WAC: variants seen among roughly 807,000 people sequenced by gnomAD.
WAC encodes the protein WW domain-containing adapter protein with coiled-coil.
WAC carries 11 observed loss-of-function variants against 79.6 expected under a neutral mutation model. The ratio of observed to expected loss-of-function variants is 0.14; its 90% CI spans 0.09 to 0.23. The LOEUF is 0.23. Ranked by LOEUF, WAC falls within the 10% of genes least tolerant of loss-of-function variation. The probability of loss-of-function intolerance (pLI) is 1.00; values close to 1 mark genes in which losing one functional copy is unlikely to be tolerated. For synonymous variants in WAC, 304 were observed against 276.9 expected, an observed-to-expected ratio of 1.10 and a Z score of -0.97; for missense variants, 728 against 773.5, an observed-to-expected ratio of 0.94 and a Z score of 0.70.
rs993602635 is a variant in WAC, at chr10:28,582,958, T to C, written c.275-441T>C. On this transcript the variant is annotated intron_variant, in intron 3 of 13. Transcript: ENST00000354911. The stretch of plus-strand genomic sequence containing the variant: ...ATCGTCAAGACTATTAAAAGGCAAA[T>C]AGGGGAAACTGTTAAGAAATTGAAA... Among the ~76,000 whole-genome samples, 5 of 152,086 alleles carry C rather than the reference T, an allele frequency of 3.3e-5. No individual in the cohort carries two copies. The East Asian group carries it at 9.6e-4, about 29-fold the overall frequency.
rs550298029 is a variant in WAC at position 28,593,491 on chromosome 10, G to A, written c.611-2242G>A. ...CACTAAAATATTTTAACAAAGGCCAGGCACGGTGGCTCATGCCTGTAATCC... is the reference window on the plus strand; with the variant it reads ...CACTAAAATATTTTAACAAAGGCCAAGCACGGTGGCTCATGCCTGTAATCC... On this transcript the variant is annotated intron_variant, in intron 6 of 13. Coordinates refer to ENST00000354911, the MANE Select transcript of WAC (RefSeq NM_016628.5). Among the ~76,000 whole-genome samples, 11 of 152,226 alleles carry A rather than the reference G, an allele frequency of 7.2e-5. No homozygotes were observed. In the South Asian group the frequency reaches 2.1e-3, roughly 29 times the overall value.
intron 3 of WAC, among the ~76,000 whole-genome samples, chr10:28,548,477 C>T (rs1245216693): frequency 1.3e-5 from 2 of 152,118 alleles, no homozygotes; most frequent in African/African-American, 2.4e-5. Flanking sequence ...AATCTCTTGG[C>T]ATCTTCTTTC....
intron 4 of WAC, 68 bp from the exon 5 acceptor site, chr10:28,589,665 TTGA>T: frequency 1.0e-6 from 1 of 996,186 alleles, no homozygotes; most frequent in South Asian, 1.5e-5. Flanking sequence ...TATGTGTGCT[TTGA>T]TGTTGTTGAT....
chr10:28,562,794 G>A (rs536291132), intron 3 of WAC, among the ~76,000 whole-genome samples: 1 of 152,228 alleles, frequency 6.6e-6, no homozygotes, highest in South Asian at 2.1e-4. Flanking sequence ...AACAAAGTTA[G>A]CATTAGGGCA....
Position 28,619,960 on chromosome 10 carries a change from T to TA in WAC, c.*373dup, listed in dbSNP as rs35294532. 1,865 of 142,102 alleles carry TA rather than the reference T, an allele frequency of 0.013. 6 individuals carry two copies. Among genetic ancestry groups the TA allele is most frequent in the Admixed American group, 0.021 (299 of 14,252 alleles). The allele number at this position is 142,102 out of a possible 1,614,324, so 8.8% of individuals were successfully genotyped here. A position where few individuals can be genotyped will look rare whatever the true frequency, so the allele number is the denominator to read the frequency against. On this transcript the variant is annotated 3_prime_UTR_variant, in exon 14 of 14. Transcript: ENST00000354911. ...AACCTGTCTGCAAAATTAGCTTTTTTAAAAAAAAAAAAAAAAAAATTGGGG... is the reference window on the plus strand; with the variant it reads ...AACCTGTCTGCAAAATTAGCTTTTTTAAAAAAAAAAAAAAAAAAAATTGGGG...
intron 3 of WAC, among the ~76,000 whole-genome samples, chr10:28,557,044 T>C (rs1030951525): frequency 1.3e-5 from 2 of 151,582 alleles, no homozygotes; most frequent in Non-Finnish European, 2.9e-5. Context: ...GGTCTTTTTA[T>C]GTTCCCTACA....
chr10:28,578,803 C>G (rs1306699562), intron 3 of WAC, among the ~76,000 whole-genome samples: 1 of 152,036 alleles, frequency 6.6e-6, no homozygotes, highest in Non-Finnish European at 1.5e-5. Context: ...ATTATTCTGT[C>G]AAAAATACTG....
At chr10:28,554,995 A>T (rs1378537949) in intron 3 of WAC, among the ~76,000 whole-genome samples, 3 of 152,164 alleles carry the variant, frequency 2.0e-5, no homozygotes, top group Non-Finnish European at 4.4e-5. Flanking sequence ...ATAATAGTTT[A>T]TGATGATAGT....
In WAC at chr10:28,603,967, A is replaced by G. The variant is rs1291639689; in HGVS notation, c.920-4219A>G. Among the ~76,000 whole-genome samples the G allele has an allele frequency of 1.5e-4, 6 of 40,178 alleles. 1 individual carries two copies. The highest frequency in any genetic ancestry group is 1.4e-3 in the Admixed American group (5 of 3,460). 26.4% of individuals were successfully genotyped at this position (40,178 alleles called of 152,430 possible). A position where few individuals can be genotyped will look rare whatever the true frequency, so the allele number is the denominator to read the frequency against. ...AATATATATATGTATGTATGTATAT[A>G]TATATATATATATATATATATGTAT... On this transcript the variant is annotated intron_variant, in intron 7 of 13. Transcript: ENST00000354911.
rs1043241416 is a variant in WAC, at chr10:28,622,636, A to C, written c.*3030A>C. On this transcript the variant is annotated 3_prime_UTR_variant, in exon 14 of 14. Transcript: ENST00000354911. ...TAAAAACATGCTTCAGCCCTGTTTC[A>C]AGACATTATGCTTCTTTTAACAGTC... 9 of 152,110 alleles carry C rather than the reference A, an allele frequency of 5.9e-5. No homozygotes were observed. Among genetic ancestry groups the C allele is most frequent in the Non-Finnish European group, 8.8e-5 (6 of 68,004 alleles). 9.4% of individuals were successfully genotyped at this position (152,110 alleles called of 1,614,324 possible).
At chr10:28,545,976 TAGTAG>T (rs1453871037) in intron 3 of WAC, among the ~76,000 whole-genome samples, 1 of 152,234 alleles carries the variant, frequency 6.6e-6, no homozygotes, top group Non-Finnish European at 1.5e-5. Flanking sequence ...TTCTCCAAGT[TAGTAG>T]AGTATACTTA....
chr10:28,575,489 C>T (rs1306938089), intron 3 of WAC, among the ~76,000 whole-genome samples: 1 of 152,202 alleles, frequency 6.6e-6, no homozygotes, highest in African/African-American at 2.4e-5. Context: ...TCCTCACCAA[C>T]ACTTGTTTTT....
chr10:28,606,974 G>GTT (rs775303910), intron 7 of WAC, among the ~76,000 whole-genome samples: 1 of 152,162 alleles, frequency 6.6e-6, no homozygotes, highest in Non-Finnish European at 1.5e-5. Flanking sequence ...ATTATGGTGA[G>GTT]TGTAAAGGGT....
At chr10:28,545,416 G>T (rs1431086342) in intron 3 of WAC, among the ~76,000 whole-genome samples, 1 of 152,150 alleles carries the variant, frequency 6.6e-6, no homozygotes, top group Non-Finnish European at 1.5e-5. Flanking sequence ...TGAGGCAGAG[G>T]TTGTGGTGAG....
intron 12 of WAC, among the ~76,000 whole-genome samples, chr10:28,616,577 C>T (rs1019208873): frequency 1.3e-5 from 2 of 152,220 alleles, no homozygotes; most frequent in Admixed American, 1.3e-4. Flanking sequence ...TTGTCAAGTA[C>T]TCAGCAGTTA....
At chr10:28,558,639 C>G (rs1348666900) in intron 3 of WAC, among the ~76,000 whole-genome samples, 1 of 152,010 alleles carries the variant, frequency 6.6e-6, no homozygotes. Context: ...TATGTTGTTC[C>G]TCATTGCCTT....
At chr10:28,560,562 G>A (rs1349638144) in intron 3 of WAC, among the ~76,000 whole-genome samples, 5 of 152,162 alleles carry the variant, frequency 3.3e-5, no homozygotes, top group African/African-American at 1.2e-4. Context: ...AGTAGGTAGA[G>A]TCTAGAGTCG....
At chr10:28,584,799 A>T (rs1347052401) in intron 4 of WAC, among the ~76,000 whole-genome samples, 1 of 152,178 alleles carries the variant, frequency 6.6e-6, no homozygotes, top group African/African-American at 2.4e-5. Context: ...CATTTAGAAA[A>T]TTATACTATT....
chr10:28,617,523 C>G, intron 12 of WAC, 134 bp from the exon 13 acceptor site: 1 of 764,910 alleles, frequency 1.3e-6, no homozygotes, highest in South Asian at 3.0e-5. Context: ...ATTAGGTTCA[C>G]CAGCATTTTT....
Sources: allele counts gnomAD v4.1 joint callset (sites outside exome capture counted in the v4.1 genomes callset), GRCh38; gene constraint gnomAD v4.1.1; transcripts MANE v1.5; gene names NCBI Gene and HGNC (gene_info 2026-07-23, HGNC 2026-07-21).